CACNG1: variants seen among roughly 807,000 people sequenced by gnomAD.
CACNG1 encodes the protein calcium voltage-gated channel auxiliary subunit gamma 1, also known as voltage-dependent calcium channel gamma-1 subunit.
A neutral mutation model predicts 22.0 loss-of-function variants in CACNG1; 21 were observed. The observed-to-expected ratio is 0.95, with a 90% CI of 0.68 to 1.37. The LOEUF is 1.37. Among genes scored for constraint, CACNG1 ranks in the 40% most tolerant of loss-of-function variants. The pLI, the probability that CACNG1 is intolerant of heterozygous loss-of-function variation, is 0.00. For synonymous variants in CACNG1, 127 were observed against 129.2 expected (o/e 0.98, Z 0.12); for missense variants, 291 against 308.6 (o/e 0.94, Z 0.43).
intron 1 of CACNG1, among the ~76,000 whole-genome samples, chr17:67,053,606 C>T (rs1215100723): frequency 6.6e-6 from 1 of 152,226 alleles, no homozygotes; most frequent in African/African-American, 2.4e-5. Context: ...CAAGTGTCCC[C>T]TGGGGGGGCA....
Position 67,055,559 on chromosome 17 carries a change from G to A in CACNG1, c.442+319G>A, listed in dbSNP as rs984541776. Reference sequence around the variant, plus strand: ...CTTGGGGGATGAGGAAGAGGGTCTCGCTCTGTCATCCAGGCTGGAGTGCAG... The same window carrying A: ...CTTGGGGGATGAGGAAGAGGGTCTCACTCTGTCATCCAGGCTGGAGTGCAG... On this transcript the variant is annotated intron_variant, in intron 3 of 3. Transcript: ENST00000226021. This position sits in a 1 kb window ranked among gnomAD's most constrained non-coding sequence, Gnocchi z 4.5. Among the ~76,000 whole-genome samples, 1 of 152,136 alleles carries A rather than the reference G, an allele frequency of 6.6e-6. No individual in the cohort carries two copies. Among genetic ancestry groups the A allele is most frequent in the Non-Finnish European group, 1.5e-5 (1 of 68,020 alleles).
chr17:67,051,088 C>A (rs186796276), intron 1 of CACNG1, among the ~76,000 whole-genome samples: 4 of 152,280 alleles, frequency 2.6e-5, no homozygotes, highest in African/African-American at 7.2e-5. Context: ...GAGGCAGAGG[C>A]AGGAAGACTG....
intron 1 of CACNG1, among the ~76,000 whole-genome samples, chr17:67,048,214 G>A (rs1384837956): frequency 6.7e-6 from 1 of 150,108 alleles, no homozygotes; most frequent in Non-Finnish European, 1.5e-5. Flanking sequence ...GCTCACTCCT[G>A]TATTCCCAGC....
intron 1 of CACNG1, among the ~76,000 whole-genome samples, chr17:67,051,131 C>T (rs1216251839): frequency 2.0e-5 from 3 of 152,196 alleles, no homozygotes; most frequent in Non-Finnish European, 4.4e-5. Context: ...GGTCCCTCTC[C>T]TCTTGACCCA....
In CACNG1 at chr17:67,056,272, C is replaced by A. The variant is rs1021247429; in HGVS notation, c.*1C>A. 1.2e-6 allele frequency: 2 copies of A among 1,613,372 alleles called. No homozygotes were observed. Among genetic ancestry groups the A allele is most frequent in the Non-Finnish European group, 1.7e-6 (2 of 1,179,592 alleles). Reference sequence around the variant, plus strand: ...CATGGATGCTGAGCCCGAGCACTAACCCTCCTGCGGCCCTAGCGACCCTCA... The same window carrying A: ...CATGGATGCTGAGCCCGAGCACTAAACCTCCTGCGGCCCTAGCGACCCTCA... On this transcript the variant is annotated 3_prime_UTR_variant, in exon 4 of 4. Transcript: ENST00000226021. This position sits in a 1 kb window ranked among gnomAD's most constrained non-coding sequence, Gnocchi z 4.3.
intron 1 of CACNG1, among the ~76,000 whole-genome samples, chr17:67,048,196 G>A (rs1300104701): frequency 6.6e-6 from 1 of 151,798 alleles, no homozygotes; most frequent in Non-Finnish European, 1.5e-5. Flanking sequence ...TACTGGCTGG[G>A]TGTGGTGGCT....
chr17:67,056,534 C>T lies in CACNG1; in HGVS notation c.*263C>T. ...AGGTGGACAGGTGTTTGCAGGGGCCCAACTTCCCCTGGAGCTCAGAGGTGT... is the reference window on the plus strand; with the variant it reads ...AGGTGGACAGGTGTTTGCAGGGGCCTAACTTCCCCTGGAGCTCAGAGGTGT... On this transcript the variant is annotated 3_prime_UTR_variant, in exon 4 of 4. Coordinates refer to ENST00000226021, the MANE Select transcript of CACNG1 (RefSeq NM_000727.4). This position sits in a 1 kb window ranked among gnomAD's most constrained non-coding sequence, Gnocchi z 4.3. The T allele has an allele frequency of 1.9e-6, 1 of 536,080 alleles. No individual in the cohort carries two copies. The highest frequency in any genetic ancestry group is 3.4e-6 in the Non-Finnish European group (1 of 296,988). The allele number at this position is 536,080 out of a possible 1,614,324, so 33.2% of individuals were successfully genotyped here.
chr17:67,051,264 T>G lies in CACNG1; in HGVS notation c.230-2732T>G, dbSNP rs909742127. 4.6e-5 allele frequency among the ~76,000 whole-genome samples: 7 copies of G among 152,014 alleles called. No individual in the cohort carries two copies. In the East Asian group the frequency reaches 1.4e-3, roughly 29 times the overall value. ...GGGAGGGAAGGGGCTCATAGTAGGG[T>G]CTGTCCATCTGAACAGGACCCTGCA... On this transcript the variant is annotated intron_variant, in intron 1 of 3. Coordinates refer to ENST00000226021, the MANE Select transcript of CACNG1 (RefSeq NM_000727.4).
At chr17:67,047,778 G>T (rs2035705494) in intron 1 of CACNG1, among the ~76,000 whole-genome samples, 1 of 152,072 alleles carries the variant, frequency 6.6e-6, no homozygotes, top group African/African-American at 2.4e-5. Flanking sequence ...GCTTTGAAAA[G>T]CTCCAACATA....
chr17:67,052,429 A>G (rs555587652), intron 1 of CACNG1, among the ~76,000 whole-genome samples: 1 of 152,294 alleles, frequency 6.6e-6, no homozygotes, highest in African/African-American at 2.4e-5. Flanking sequence ...TGCAAGAAGA[A>G]TGATTTAGGT....
In CACNG1 at chr17:67,056,130, C is replaced by G. The variant is rs755429816; in HGVS notation, c.528C>G (p.Tyr176Ter). The G allele has an allele frequency of 6.2e-7, 1 of 1,613,750 alleles. No homozygotes were observed. Among genetic ancestry groups the G allele is most frequent in the Admixed American group, 1.7e-5 (1 of 59,994 alleles). The change falls in exon 4 of 4, where the codon TAC becomes TAG. Residue 176 changes from tyrosine (Y) to a stop codon, truncating the protein, a stop_gained. Transcript: ENST00000226021. LOFTEE classifies it high-confidence loss of function. The surrounding 1 kb of genome is among the most constrained non-coding windows in gnomAD (Gnocchi z 4.3). The part of the protein sequence containing the change: ...IDSEDTVWIE[Y>*]YYSWSFACAC... ...GTGAGGACACCGTCTGGATCGAGTA[C>G]TATTACTCCTGGTCCTTTGCCTGCG... is the stretch of plus-strand genomic sequence containing the variant.
chr17:67,048,550 A>G (rs1183154293), intron 1 of CACNG1, among the ~76,000 whole-genome samples: 1 of 152,158 alleles, frequency 6.6e-6, no homozygotes, highest in East Asian at 1.9e-4. Context: ...CTAAAATGAT[A>G]AGGGGCATAC....
At position 67,054,171 on chromosome 17, in the gene CACNG1, G is replaced by A. The variant is rs868614565; in HGVS notation, c.304+101G>A. ...TTGGCAAAAGCACTGACTTCCTCAC[G>A]CCTGATGAGAAGAAGCCTGTGGTGC... On this transcript the variant is annotated intron_variant, in intron 2 of 3. Transcript: ENST00000226021. This position sits in a 1 kb window ranked among gnomAD's most constrained non-coding sequence, Gnocchi z 4.6. 2.1e-5 allele frequency: 20 copies of A among 935,120 alleles called. No homozygotes were observed. Among genetic ancestry groups the A allele is most frequent in the Middle Eastern group, 2.8e-4 (1 of 3,602 alleles). 57.9% of individuals were successfully genotyped at this position (935,120 alleles called of 1,614,324 possible).
rs111986322 is a variant in CACNG1, at chr17:67,054,072, T to G, written c.304+2T>G. The G allele has an allele frequency of 1.2e-6, 2 of 1,613,280 alleles. No individual in the cohort carries two copies. The highest frequency in any genetic ancestry group is 8.5e-7 in the Non-Finnish European group (1 of 1,179,228). ...TCTTCGAATTCACCACTCAGAAGGG[T>G]GAGCCTGGGTGGAAAGGGGTCTGGG... On this transcript the variant is annotated splice_donor_variant, in intron 2 of 3. Transcript: ENST00000226021. LOFTEE classifies it high-confidence loss of function. The surrounding 1 kb of genome is among the most constrained non-coding windows in gnomAD (Gnocchi z 4.6).
At position 67,044,912 on chromosome 17, in the gene CACNG1, C is replaced by T. The variant is rs145671773; in HGVS notation, c.229+23C>T. The T allele has an allele frequency of 8.5e-5, 133 of 1,566,410 alleles. No homozygotes were observed. The African/African-American group carries it at 1.2e-3, about 14-fold the overall frequency. On this transcript the variant is annotated intron_variant, in intron 1 of 3. Coordinates refer to ENST00000226021, the MANE Select transcript of CACNG1 (RefSeq NM_000727.4). The surrounding 1 kb of genome is among the most constrained non-coding windows in gnomAD (Gnocchi z 6.9). ...GGGGTAACGTACCCACCCTCCGTCC[C>T]GATCCCCACCTCCTGCTCTTCCCCG...
At chr17:67,053,400 T>C (rs2143416946) in intron 1 of CACNG1, among the ~76,000 whole-genome samples, 1 of 152,354 alleles carries the variant, frequency 6.6e-6, no homozygotes, top group East Asian at 1.9e-4. Context: ...GCCTGGATTC[T>C]GATGAGAAAC....
At position 67,044,746 on chromosome 17, in the gene CACNG1, C is replaced by A; in HGVS notation, c.86C>A (p.Thr29Asn). 6.2e-7 allele frequency: 1 copy of A among 1,612,970 alleles called. No homozygotes were observed. The highest frequency in any genetic ancestry group is 8.5e-7 in the Non-Finnish European group (1 of 1,180,022). ...GTGCTGGCCATGACAGCCGTGGTAACCGACCACTGGGCTGTGCTGAGCCCC... is the reference window on the plus strand; with the variant it reads ...GTGCTGGCCATGACAGCCGTGGTAAACGACCACTGGGCTGTGCTGAGCCCC... ...GIVLAMTAVV[T>N]DHWAVLSPHM... The change falls in exon 1 of 4, where the codon ACC (threonine) becomes AAC (asparagine). Residue 29 changes from threonine (T) to asparagine (N), a missense_variant. Coordinates refer to ENST00000226021, the MANE Select transcript of CACNG1 (RefSeq NM_000727.4). This position sits in a 1 kb window ranked among gnomAD's most constrained non-coding sequence, Gnocchi z 6.9.
intron 1 of CACNG1, among the ~76,000 whole-genome samples, chr17:67,047,057 C>T (rs994921025): frequency 1.3e-5 from 2 of 152,152 alleles, no homozygotes; most frequent in African/African-American, 4.8e-5. Flanking sequence ...CCTTCTTGTG[C>T]TCCCTGGGAC....
chr17:67,049,986 C>A (rs1010154444), intron 1 of CACNG1, among the ~76,000 whole-genome samples: 2 of 152,210 alleles, frequency 1.3e-5, no homozygotes, highest in African/African-American at 2.4e-5. Context: ...AATTCCAATG[C>A]CTCCAGAATG....
Sources: allele counts gnomAD v4.1 joint callset (sites outside exome capture counted in the v4.1 genomes callset), GRCh38; gene constraint gnomAD v4.1.1; non-coding constraint Gnocchi (gnomAD v3.1); transcripts MANE v1.5; gene names NCBI Gene and HGNC (gene_info 2026-07-23, HGNC 2026-07-21).